PAK5: variants seen among roughly 807,000 people sequenced by gnomAD.
PAK5 encodes p21 (RAC1) activated kinase 5, also known as serine/threonine-protein kinase PAK 5.
A neutral mutation model predicts 65.9 loss-of-function variants in PAK5; 16 were observed. The observed-to-expected ratio is 0.24, with a 90% CI of 0.16 to 0.37. The LOEUF is 0.37. Among genes scored for constraint, PAK5 ranks in the 10% least tolerant of loss-of-function variants. The pLI is 1.00. For missense variants in PAK5, 785 were observed against 903.9 expected (o/e 0.87, Z 1.69); for synonymous variants, 371 against 354.9 (o/e 1.05, Z -0.51).
At chr20:9,826,199 ATT>A (rs568750577) in intron 1 of PAK5, among the ~76,000 whole-genome samples, 6 of 147,142 alleles carry the variant, frequency 4.1e-5, no homozygotes, top group African/African-American at 1.5e-4. Context: ...AGAAATCTAG[ATT>A]TTTTTTTTTC....
At chr20:9,771,267 G>T (rs1426834079) in intron 1 of PAK5, among the ~76,000 whole-genome samples, 1 of 152,154 alleles carries the variant, frequency 6.6e-6, no homozygotes, top group African/African-American at 2.4e-5. Flanking sequence ...TTGTCTTTAT[G>T]TAGGCTGAAC....
intron 1 of PAK5, among the ~76,000 whole-genome samples, chr20:9,803,282 A>G (rs2049193842): frequency 6.6e-6 from 1 of 152,076 alleles, no homozygotes; most frequent in Non-Finnish European, 1.5e-5. Flanking sequence ...GCCTGAAACT[A>G]CAAAACCCCT....
In PAK5 at chr20:9,566,167, G is replaced by C. The variant is rs17852191; in HGVS notation, c.1208C>G (p.Ser403Cys). 1.9e-6 allele frequency: 3 copies of C among 1,613,998 alleles called. No homozygotes were observed. The highest frequency in any genetic ancestry group is 3.3e-5 in the Admixed American group (2 of 60,020). The change falls in exon 5 of 10, where the codon TCC becomes TGC. Residue 403 changes from serine to cysteine, a missense_variant. Around this residue, in one of 4 missense-constraint regions of PAK5, gnomAD observed 422 missense variants for 413.3 expected, o/e 1.02. Coordinates refer to ENST00000353224, the MANE Select transcript of PAK5 (RefSeq NM_177990.4). ...GTAGGTGCTGGATGAGAGGCTGAGG[G>C]AGCTCAGGTAGGAAGCCGTGGAGAT... ...QYISTASYLS[S>C]LSLSSSTYPP... is the part of the protein sequence containing the mutation.
intron 3 of PAK5, among the ~76,000 whole-genome samples, chr20:9,636,726 A>T (rs186523712): frequency 6.6e-6 from 1 of 152,214 alleles, no homozygotes; most frequent in Non-Finnish European, 1.5e-5. Context: ...GGAATATTGT[A>T]TTCAATAATC....
intron 1 of PAK5, among the ~76,000 whole-genome samples, chr20:9,830,303 G>C (rs571404914): frequency 6.6e-6 from 1 of 152,294 alleles, no homozygotes; most frequent in East Asian, 1.9e-4. Flanking sequence ...TTTATAAAGA[G>C]TTATAAAAGC....
At chr20:9,635,244 A>C (rs941108489) in intron 3 of PAK5, among the ~76,000 whole-genome samples, 4 of 152,176 alleles carry the variant, frequency 2.6e-5, no homozygotes, top group Non-Finnish European at 5.9e-5. Context: ...ACACACCTCT[A>C]ACACCTGCAG....
intron 2 of PAK5, among the ~76,000 whole-genome samples, chr20:9,646,150 T>C (rs976271521): frequency 6.6e-6 from 1 of 152,216 alleles, no homozygotes; most frequent in African/African-American, 2.4e-5. Context: ...GTTCTCTCAC[T>C]CTCCCTTCTT....
rs1009192217 is a variant in PAK5, at chr20:9,838,673, G to T, written c.-162+89C>A. The T allele has an allele frequency of 5.3e-5, 8 of 152,268 alleles. No homozygotes were observed. Among genetic ancestry groups the T allele is most frequent in the Non-Finnish European group, 1.0e-4 (7 of 68,124 alleles). 9.4% of individuals were successfully genotyped at this position (152,268 alleles called of 1,614,324 possible). On this transcript the variant is annotated intron_variant, in intron 1 of 9. Transcript: ENST00000353224. The surrounding 1 kb of genome is among the most constrained non-coding windows in gnomAD (Gnocchi z 4.5). ...GCATCCTCTCCCGGCAAAGAGAGAT[G>T]CTCCGGTTACCAGCGGCGCGCATCC...
chr20:9,638,492 G>T (rs2047009774), intron 3 of PAK5, among the ~76,000 whole-genome samples: 1 of 152,208 alleles, frequency 6.6e-6, no homozygotes. Flanking sequence ...ACCTTATGTG[G>T]ATACATTCTT....
chr20:9,646,051 G>A (rs1287435556), intron 2 of PAK5, among the ~76,000 whole-genome samples: 5 of 152,180 alleles, frequency 3.3e-5, no homozygotes, highest in African/African-American at 4.8e-5. Flanking sequence ...CTGGCCTATA[G>A]TAGGGCTCAC....
At chr20:9,723,402 C>A (rs2048240395) in intron 1 of PAK5, among the ~76,000 whole-genome samples, 1 of 152,122 alleles carries the variant, frequency 6.6e-6, no homozygotes, top group Non-Finnish European at 1.5e-5. Flanking sequence ...TGGAGAGAAT[C>A]AGATTTAAAT....
chr20:9,818,824 A>G (rs1430005775), intron 1 of PAK5: 1 of 152,194 alleles, frequency 6.6e-6, no homozygotes, highest in Admixed American at 6.5e-5. Context: ...CACTGTAAAA[A>G]TAGAACACAG....
chr20:9,578,187 TGTAA>T (rs1420356406), intron 4 of PAK5, among the ~76,000 whole-genome samples: 2 of 152,262 alleles, frequency 1.3e-5, no homozygotes, highest in Admixed American at 6.5e-5. Context: ...ATTATGAAAC[TGTAA>T]GTGTGTCATG....
chr20:9,582,932 A>G (rs1024049231), intron 3 of PAK5, among the ~76,000 whole-genome samples: 1 of 152,006 alleles, frequency 6.6e-6, no homozygotes, highest in African/African-American at 2.4e-5. Context: ...CCCTTTGATG[A>G]TCCCTCTTCC....
intron 2 of PAK5, among the ~76,000 whole-genome samples, chr20:9,654,752 T>G (rs2047244940): frequency 6.6e-6 from 1 of 152,164 alleles, no homozygotes; most frequent in East Asian, 1.9e-4. Context: ...CTCCCTTTCA[T>G]TAAGCCTTAC....
intron 1 of PAK5, among the ~76,000 whole-genome samples, chr20:9,828,858 TCTCTCC>T (rs372165039): frequency 1.3e-5 from 2 of 152,214 alleles, no homozygotes; most frequent in African/African-American, 4.8e-5. Context: ...TCTTTCCCCT[TCTCTCC>T]CTTCTTCCTT....
chr20:9,555,666 C>T (rs1422252828), intron 7 of PAK5, among the ~76,000 whole-genome samples: 1 of 152,204 alleles, frequency 6.6e-6, no homozygotes, highest in Non-Finnish European at 1.5e-5. Flanking sequence ...CTTCTTCTAC[C>T]TGTATCCACA....
intron 2 of PAK5, among the ~76,000 whole-genome samples, chr20:9,677,932 C>A (rs2047596875): frequency 6.6e-6 from 1 of 152,146 alleles, no homozygotes; most frequent in Admixed American, 6.5e-5. Context: ...TATATGCTAT[C>A]ATATTACAAT....
Position 9,645,734 on chromosome 20 carries a change from T to G in PAK5, c.-11-1395A>C, listed in dbSNP as rs148056172. Among the ~76,000 whole-genome samples, 630 of 152,100 alleles carry G rather than the reference T, an allele frequency of 4.1e-3. 10 individuals are homozygous for G. The highest frequency in any genetic ancestry group is 0.014 in the African/African-American group (577 of 41,500). On this transcript the variant is annotated intron_variant, in intron 2 of 9. Coordinates refer to ENST00000353224, the MANE Select transcript of PAK5 (RefSeq NM_177990.4). ...CGAGTAGCTGGGACTACAGGTGCCC[T>G]CCACCATGCCCAAGCTAATTTTTCT... is the stretch of plus-strand genomic sequence containing the variant.
Sources: gnomAD v4.1 joint callset for allele counts (sites outside exome capture counted in the v4.1 genomes callset) on GRCh38, gnomAD v4.1.1 for gene constraint, gnomAD v4.1.1 regional missense constraint, Gnocchi (gnomAD v3.1) non-coding constraint, MANE v1.5 for transcripts, NCBI Gene and HGNC (gene_info 2026-07-23, HGNC 2026-07-21) for gene names.